The following PARD3B variants were observed in gnomAD, a reference collection of about 807,000 sequenced individuals.
The protein encoded by PARD3B is par-3 family cell polarity regulator beta.
In PARD3B, 103 loss-of-function variants were observed where a neutral mutation model predicts 130.2. The ratio of observed to expected loss-of-function variants is 0.79; its 90% CI spans 0.67 to 0.93. PARD3B has a LOEUF of 0.93. PARD3B is among the 40% of genes least tolerant of loss of function. The pLI is 0.00. For missense variants in PARD3B, 1,609 were observed against 1,499.2 expected, an observed-to-expected ratio of 1.07 and a Z score of -1.21; for synonymous variants, 583 against 553.2, an observed-to-expected ratio of 1.05 and a Z score of -0.76.
intron 2 of PARD3B, among the ~76,000 whole-genome samples, chr2:204,824,227 C>T (rs1228577332): frequency 1.3e-5 from 2 of 152,162 alleles, no homozygotes; most frequent in Non-Finnish European, 2.9e-5. Context: ...CTTCCAATTG[C>T]ATTTGGCCAA....
intron 18 of PARD3B, among the ~76,000 whole-genome samples, chr2:205,365,382 G>GAAA (rs11401922): frequency 2.8e-4 from 41 of 144,058 alleles, no homozygotes; most frequent in Non-Finnish European, 3.6e-4. Flanking sequence ...CTCCGTCTCA[G>GAAA]AAAAAAAAAA....
In PARD3B at chr2:205,296,846, G is replaced by A. The variant is rs115299107; in HGVS notation, c.2186-3684G>A. ...GCTAATCCTTCATTTGGAAACAGAT[G>A]GAATCTTTAAAAGCGCTATAACATC... On this transcript the variant is annotated intron_variant, in intron 16 of 22. Coordinates refer to ENST00000406610, the MANE Select transcript of PARD3B (RefSeq NM_001302769.2). Among the ~76,000 whole-genome samples the A allele has an allele frequency of 4.0e-4, 60 of 150,702 alleles. 1 individual carries two copies. Among genetic ancestry groups the A allele is most frequent in the Admixed American group, 2.1e-3 (32 of 15,150 alleles).
In PARD3B at chr2:205,268,758, C is replaced by T. The variant is rs2040609541; in HGVS notation, c.2185+22936C>T. Among the ~76,000 whole-genome samples, 1 of 152,058 alleles carries T rather than the reference C, an allele frequency of 6.6e-6. No individual in the cohort carries two copies. The highest frequency in any genetic ancestry group is 1.5e-5 in the Non-Finnish European group (1 of 68,014). ...TGCCAATTTGACAGAAGAGACTTCT[C>T]AGCTCTTTGGGGAAAATATTGAAAT... On this transcript the variant is annotated intron_variant, in intron 16 of 22. Coordinates refer to ENST00000406610, the MANE Select transcript of PARD3B (RefSeq NM_001302769.2). This position sits in a 1 kb window ranked among gnomAD's most constrained non-coding sequence, Gnocchi z 4.1.
chr2:205,106,679 C>G (rs1174996636), intron 5 of PARD3B, among the ~76,000 whole-genome samples: 1 of 152,088 alleles, frequency 6.6e-6, no homozygotes, highest in African/African-American at 2.4e-5. Flanking sequence ...TTCAAACATT[C>G]CTGTTGCGTG....
intron 4 of PARD3B, among the ~76,000 whole-genome samples, chr2:205,076,673 A>T (rs1247271129): frequency 6.6e-6 from 1 of 152,200 alleles, no homozygotes; most frequent in Admixed American, 6.5e-5. Flanking sequence ...GGAAGTGTGG[A>T]TCCTATTGTG....
chr2:204,588,978 A>G (rs1378895271), intron 1 of PARD3B, among the ~76,000 whole-genome samples: 2 of 150,392 alleles, frequency 1.3e-5, no homozygotes, highest in African/African-American at 2.5e-5. Context: ...GCTCTTCAGG[A>G]TGCCACATTA....
intron 1 of PARD3B, among the ~76,000 whole-genome samples, chr2:204,633,947 G>A (rs988878659): frequency 3.3e-5 from 5 of 152,000 alleles, no homozygotes; most frequent in African/African-American, 1.2e-4. Flanking sequence ...TGAAGAATGG[G>A]GTATGCATCC....
intron 15 of PARD3B, among the ~76,000 whole-genome samples, chr2:205,203,807 A>ATACTTT (rs1171831258): frequency 1.9e-4 from 29 of 152,172 alleles, no homozygotes; most frequent in Non-Finnish European, 3.7e-4. Context: ...GCTGCATAGT[A>ATACTTT]TTCCATGGTG....
chr2:204,808,113 T>A (rs553661514), intron 2 of PARD3B, among the ~76,000 whole-genome samples: 75 of 152,134 alleles, frequency 4.9e-4, no homozygotes, highest in African/African-American at 1.7e-3. Flanking sequence ...CATAAAAATT[T>A]AAAAATTAAA....
At chr2:205,051,186 C>G (rs1242914303) in intron 4 of PARD3B, among the ~76,000 whole-genome samples, 1 of 152,124 alleles carries the variant, frequency 6.6e-6, no homozygotes, top group East Asian at 1.9e-4. Context: ...TTTTCCATCT[C>G]TTGGATTTTG....
At chr2:205,554,168 A>G (rs1420452799) in intron 22 of PARD3B, among the ~76,000 whole-genome samples, 1 of 152,164 alleles carries the variant, frequency 6.6e-6, no homozygotes, top group East Asian at 1.9e-4. Context: ...CAAAAGAGAA[A>G]CAAAGTAAGG....
intron 1 of PARD3B, among the ~76,000 whole-genome samples, chr2:204,655,855 C>G (rs918398074): frequency 2.0e-5 from 3 of 152,088 alleles, no homozygotes. Flanking sequence ...TGTGTTTACT[C>G]ATTTGTCCAC....
At chr2:204,732,508 T>A (rs1176154162) in intron 2 of PARD3B, among the ~76,000 whole-genome samples, 2 of 9,488 alleles carry the variant, frequency 2.1e-4, no homozygotes, top group African/African-American at 3.4e-4. Flanking sequence ...TAAGGATATC[T>A]TTTTTTTTTT....
chr2:205,271,573 A>G (rs375549819), intron 16 of PARD3B, among the ~76,000 whole-genome samples: 18 of 152,208 alleles, frequency 1.2e-4, no homozygotes, highest in Admixed American at 1.2e-3. Context: ...TTTCAGCCCA[A>G]AGCAGAAATA....
intron 2 of PARD3B, among the ~76,000 whole-genome samples, chr2:204,839,998 A>G (rs1029106879): frequency 6.6e-6 from 1 of 151,898 alleles, no homozygotes; most frequent in African/African-American, 2.4e-5. Flanking sequence ...CCCTCTACGT[A>G]TATTTCTCTT....
In PARD3B at chr2:205,300,556, A is replaced by T. The variant is rs748791610; in HGVS notation, c.2212A>T (p.Thr738Ser). 2 of 1,613,662 alleles carry T rather than the reference A, an allele frequency of 1.2e-6. No homozygotes were observed. The highest frequency in any genetic ancestry group is 1.1e-5 in the South Asian group (1 of 91,048). The change falls in exon 17 of 23, where the codon ACT becomes TCT. Residue 738 changes from threonine (T) to serine (S), a missense_variant. Thr to Ser is a moderately conservative substitution (Grantham distance 58). Coordinates refer to ENST00000406610, the MANE Select transcript of PARD3B (RefSeq NM_001302769.2). This position sits in a 1 kb window ranked among gnomAD's most constrained non-coding sequence, Gnocchi z 4.1. ...SESPSKDFGP[T>S]LGLKKSSSLE... ...ATCTCCAAGCAAAGATTTTGGTCCA[A>T]CTCTGGGTTTGAAAAAGTCCAGCTC...
chr2:205,048,635 G>C (rs1251372269), intron 4 of PARD3B: 2 of 152,132 alleles, frequency 1.3e-5, no homozygotes, highest in African/African-American at 4.8e-5. Context: ...GGTATATACG[G>C]ATGCTGAAAT....
chr2:204,749,388 T>G (rs1386578630), intron 2 of PARD3B, among the ~76,000 whole-genome samples: 2 of 150,734 alleles, frequency 1.3e-5, no homozygotes, highest in Non-Finnish European at 3.0e-5. Flanking sequence ...CTCTAAGGAG[T>G]GCTTCACTAT....
intron 4 of PARD3B, among the ~76,000 whole-genome samples, chr2:205,092,318 G>C (rs1487515996): frequency 2.0e-5 from 3 of 152,146 alleles, no homozygotes; most frequent in African/African-American, 7.2e-5. Flanking sequence ...TCTAGAAACA[G>C]CTCCAGGATG....
Sources: gnomAD v4.1 joint callset for allele counts (sites outside exome capture counted in the v4.1 genomes callset) on GRCh38, gnomAD v4.1.1 for gene constraint, Gnocchi (gnomAD v3.1) non-coding constraint, MANE v1.5 for transcripts, NCBI Gene and HGNC (gene_info 2026-07-23, HGNC 2026-07-21) for gene names.